Variants in GPC6 observed in about 807,000 individuals in gnomAD.
GPC6 encodes the protein glypican-6.
In GPC6, 14 loss-of-function variants were observed where a neutral mutation model predicts 55.2. The ratio of observed to expected loss-of-function variants is 0.25; its 90% confidence interval spans 0.17 to 0.40. GPC6 has a LOEUF of 0.40. GPC6 is among the 10% of genes least tolerant of loss of function. GPC6 has a pLI of 1.00. For missense variants in GPC6, 641 were observed against 708.5 expected (o/e 0.90, Z 1.08); for synonymous variants, 278 against 259.6 (o/e 1.07, Z -0.68).
At chr13:94,093,929 C>T (rs1885581998) in intron 4 of GPC6, among the ~76,000 whole-genome samples, 1 of 151,950 alleles carries the variant, frequency 6.6e-6, no homozygotes, top group African/African-American at 2.4e-5. Context: ...GAAAAAAACA[C>T]AAGAAAATTG....
chr13:93,473,806 A>G (rs1879210589), intron 1 of GPC6, among the ~76,000 whole-genome samples: 1 of 152,294 alleles, frequency 6.6e-6, no homozygotes, highest in South Asian at 2.1e-4. Flanking sequence ...CCACAGCAGC[A>G]TCAGGCAAGA....
rs188395046 is a variant in GPC6, at chr13:93,357,377, T to C, written c.160+129761T>C. Among the ~76,000 whole-genome samples, 7 of 151,430 alleles carry C rather than the reference T, an allele frequency of 4.6e-5. No individual in the cohort carries two copies. The East Asian group carries it at 1.2e-3, about 25-fold the overall frequency. On this transcript the variant is annotated intron_variant, in intron 1 of 8. Transcript: ENST00000377047. ...ATTTATTCAGAACTGTAATTAAATT[T>C]GTTTTTTATTATCTGCTATTGAGTT... is the stretch of plus-strand genomic sequence containing the variant.
At chr13:93,850,799 C>G (rs540262049) in intron 3 of GPC6, among the ~76,000 whole-genome samples, 1 of 151,940 alleles carries the variant, frequency 6.6e-6, no homozygotes, top group South Asian at 2.1e-4. Context: ...TTTCTTTTCT[C>G]TTTGATGAAG....
intron 2 of GPC6, among the ~76,000 whole-genome samples, chr13:93,776,460 A>G (rs935565504): frequency 6.6e-6 from 1 of 151,922 alleles, no homozygotes; most frequent in African/African-American, 2.4e-5. Flanking sequence ...CTCTTTTTCC[A>G]CCTCACTAAA....
chr13:94,342,803 C>T (rs997486155), intron 6 of GPC6, among the ~76,000 whole-genome samples: 4 of 152,102 alleles, frequency 2.6e-5, no homozygotes, highest in African/African-American at 9.7e-5. Flanking sequence ...GCTTCTCCCT[C>T]CTGTCTCTCT....
intron 2 of GPC6, among the ~76,000 whole-genome samples, chr13:93,711,582 T>A (rs565224625): frequency 4.1e-4 from 47 of 113,920 alleles, no homozygotes; most frequent in African/African-American, 1.0e-3. Context: ...ATGTCTTTTT[T>A]AAATTTTTTT....
intron 3 of GPC6, among the ~76,000 whole-genome samples, chr13:93,895,234 G>GTGTGTATATATATATATATA (rs1196315147): frequency 1.8e-5 from 2 of 108,208 alleles, no homozygotes; most frequent in Non-Finnish European, 3.8e-5. Flanking sequence ...GTGTGTGTGT[G>GTGTGTATATATATATATATA]TATATATATA....
At chr13:93,854,791 A>G (rs1888538364) in intron 3 of GPC6, among the ~76,000 whole-genome samples, 1 of 151,704 alleles carries the variant, frequency 6.6e-6, no homozygotes, top group South Asian at 2.1e-4. Context: ...CTTTTATTGA[A>G]TAGTCTATCC....
chr13:93,609,119 G>C (rs879692622), intron 2 of GPC6, among the ~76,000 whole-genome samples: 4 of 152,094 alleles, frequency 2.6e-5, no homozygotes, highest in Non-Finnish European at 5.9e-5. Context: ...CAGTCCCCAG[G>C]TCCTTATGAT....
At chr13:94,169,849 T>G (rs541134703) in intron 4 of GPC6, among the ~76,000 whole-genome samples, 2 of 151,706 alleles carry the variant, frequency 1.3e-5, no homozygotes, top group African/African-American at 4.8e-5. Context: ...TGCTGGAGAG[T>G]CCTACTCCAG....
chr13:93,799,178 A>G (rs1435047899), intron 2 of GPC6, among the ~76,000 whole-genome samples: 1 of 152,086 alleles, frequency 6.6e-6, no homozygotes, highest in East Asian at 1.9e-4. Context: ...ACATTTTATG[A>G]AGTCTCCAGT....
chr13:93,559,769 G>C (rs1276742422), intron 2 of GPC6, among the ~76,000 whole-genome samples: 4 of 152,140 alleles, frequency 2.6e-5, no homozygotes, highest in Non-Finnish European at 5.9e-5. Context: ...ATTTTTTCAA[G>C]TTATTAAGAA....
At chr13:93,273,611 TTG>T (rs1877622191) in intron 1 of GPC6, among the ~76,000 whole-genome samples, 1 of 151,916 alleles carries the variant, frequency 6.6e-6, no homozygotes, top group Non-Finnish European at 1.5e-5. Flanking sequence ...TGAACCGAGA[TTG>T]CGCCACTGCA....
At chr13:94,301,312 G>A (rs1875637845) in intron 5 of GPC6, among the ~76,000 whole-genome samples, 1 of 152,290 alleles carries the variant, frequency 6.6e-6, no homozygotes, top group South Asian at 2.1e-4. Flanking sequence ...CAAGAGGATA[G>A]CCTGAGCCCA....
intron 1 of GPC6, among the ~76,000 whole-genome samples, chr13:93,473,727 C>T (rs1879208048): frequency 6.6e-6 from 1 of 152,174 alleles, no homozygotes; most frequent in African/African-American, 2.4e-5. Context: ...TTGGCCTGGC[C>T]CCATCATGGT....
intron 1 of GPC6, among the ~76,000 whole-genome samples, chr13:93,500,744 T>A (rs937428202): frequency 1.3e-5 from 2 of 152,136 alleles, no homozygotes; most frequent in African/African-American, 4.8e-5. Context: ...AATCATTTTT[T>A]AAGGAGTGTA....
At chr13:93,412,079 C>T (rs1015891432) in intron 1 of GPC6, among the ~76,000 whole-genome samples, 2 of 151,734 alleles carry the variant, frequency 1.3e-5, no homozygotes, top group African/African-American at 2.4e-5. Context: ...CCTACTGAAA[C>T]GTATCTGCAT....
intron 2 of GPC6, among the ~76,000 whole-genome samples, chr13:93,821,688 C>T (rs1042885625): frequency 2.0e-5 from 3 of 152,204 alleles, no homozygotes; most frequent in Non-Finnish European, 2.9e-5. Context: ...TGGACAGTCA[C>T]ATCTCACAGT....
At chr13:93,261,656 G>A (rs142637697) in intron 1 of GPC6, among the ~76,000 whole-genome samples, 124 of 152,292 alleles carry the variant, frequency 8.1e-4, no homozygotes, top group African/African-American at 2.9e-3. Context: ...TCCCTGAGAA[G>A]TGTGGTTGCT....
Sources: gnomAD v4.1 joint callset for allele counts (sites outside exome capture counted in the v4.1 genomes callset) on GRCh38, gnomAD v4.1.1 for gene constraint, MANE v1.5 for transcripts, NCBI Gene and HGNC (gene_info 2026-07-23, HGNC 2026-07-21) for gene names.